Variants in PCDHGA3 observed in about 807,000 individuals in gnomAD.
The protein encoded by PCDHGA3 is protocadherin gamma-A3.
In PCDHGA3, 40 loss-of-function variants were observed where a neutral mutation model predicts 58.5. The ratio of observed to expected loss-of-function variants is 0.68; its 90% confidence interval spans 0.53 to 0.89. PCDHGA3 has a LOEUF of 0.89. PCDHGA3 is among the 40% of genes least tolerant of loss of function. PCDHGA3 has a pLI of 0.00. For synonymous variants in PCDHGA3, 530 were observed against 525.7 expected (o/e 1.01, Z -0.11); for missense variants, 1,223 against 1,195.9 (o/e 1.02, Z -0.33).
Position 141,432,057 on chromosome 5 carries a change from C to G in PCDHGA3, c.2425-62750C>G. On this transcript the variant is annotated intron_variant, in intron 1 of 3. Coordinates refer to ENST00000253812, the MANE Select transcript of PCDHGA3 (RefSeq NM_018916.4). This position sits in a 1 kb window ranked among gnomAD's most constrained non-coding sequence, Gnocchi z 6.0. The stretch of plus-strand genomic sequence containing the variant: ...ACTGACCGGGGAACCCCGCCCCTAT[C>G]CACGGAAACTCATATCTCGCTGAAC... 1 of 1,614,220 alleles carries G rather than the reference C, an allele frequency of 6.2e-7. No homozygotes were observed. The highest frequency in any genetic ancestry group is 8.5e-7 in the Non-Finnish European group (1 of 1,180,042).
At chr5:141,510,910 A>T (rs780792326) in intron 3 of PCDHGA3, 37 bp from the exon 4 acceptor site, 1 of 1,613,740 alleles carries the variant, frequency 6.2e-7, no homozygotes, top group East Asian at 2.2e-5. Flanking sequence ...GAGGACCCTA[A>T]GTTTAGCTCC....
In PCDHGA3 at chr5:141,352,265, C is replaced by T. The variant is rs760271009; in HGVS notation, c.2424+5808C>T. ...CGCGGATAGCCTGCAAGAGGTATTGCCAGACCTCAGCGACCGCCCTGAGCC... is the reference window on the plus strand; with the variant it reads ...CGCGGATAGCCTGCAAGAGGTATTGTCAGACCTCAGCGACCGCCCTGAGCC... On this transcript the variant is annotated intron_variant, in intron 1 of 3. Transcript: ENST00000253812. 3.2e-5 allele frequency: 52 copies of T among 1,613,966 alleles called. 1 individual carries two copies. Among genetic ancestry groups the T allele is most frequent in the Non-Finnish European group, 3.7e-5 (44 of 1,179,914 alleles).
chr5:141,344,577 G>A lies in PCDHGA3; in HGVS notation c.544G>A (p.Val182Met). ...CCCCAATGACTACTTCTCTCTGGCT[G>A]TGAATAGCGTCTCTGAGGGGGCCAA... The part of the protein sequence containing the change: ...LSPNDYFSLA[V>M]NSVSEGAKYP... Residue 182 changes from valine to methionine, a missense_variant, in exon 1 of 4, where the codon GTG becomes ATG. Coordinates refer to ENST00000253812, the MANE Select transcript of PCDHGA3 (RefSeq NM_018916.4). The A allele has an allele frequency of 3.1e-6, 5 of 1,614,016 alleles. No homozygotes were observed. The highest frequency in any genetic ancestry group is 4.2e-6 in the Non-Finnish European group (5 of 1,179,900).
At chr5:141,470,227 C>A (rs1387947362) in intron 1 of PCDHGA3, among the ~76,000 whole-genome samples, 1 of 152,160 alleles carries the variant, frequency 6.6e-6, no homozygotes, top group Non-Finnish European at 1.5e-5. Flanking sequence ...AGCTTCTTCA[C>A]CAAACCCTTG....
intron 1 of PCDHGA3, chr5:141,361,483 C>T (rs1762043135): frequency 6.2e-7 from 1 of 1,614,026 alleles, no homozygotes; most frequent in Non-Finnish European, 8.5e-7. Context: ...CGATAATGCC[C>T]CAGTTTTCCA....
At chr5:141,413,626 G>T (rs757785567) in intron 1 of PCDHGA3, 24 of 1,613,680 alleles carry the variant, frequency 1.5e-5, no homozygotes, top group Non-Finnish European at 1.7e-5. Context: ...TGAAAATGTC[G>T]CTGCGGGAAT....
rs753577656 is a variant in PCDHGA3, at chr5:141,361,905, G to A, written c.2424+15448G>A. 4 of 1,609,114 alleles carry A rather than the reference G, an allele frequency of 2.5e-6. No homozygotes were observed. In the South Asian group the frequency reaches 4.4e-5, roughly 18 times the overall value. ...CAGAGCCCGGCTACCTGGTGACCAA[G>A]GTGGTGGCGGTGGACGCAGACTCAG... On this transcript the variant is annotated intron_variant, in intron 1 of 3. Coordinates refer to ENST00000253812, the MANE Select transcript of PCDHGA3 (RefSeq NM_018916.4).
intron 1 of PCDHGA3, chr5:141,361,348 G>C: frequency 6.2e-7 from 1 of 1,613,980 alleles, no homozygotes; most frequent in South Asian, 1.1e-5. Context: ...TTACAAACTA[G>C]TGACAGACGG....
chr5:141,413,739 C>A (rs748041372), intron 1 of PCDHGA3: 1 of 1,613,424 alleles, frequency 6.2e-7, no homozygotes, highest in South Asian at 1.1e-5. Context: ...GAGTTCAGAG[C>A]CGTGCCAATG....
chr5:141,422,744 T>C, intron 1 of PCDHGA3: 1 of 1,610,696 alleles, frequency 6.2e-7, no homozygotes, highest in Non-Finnish European at 8.5e-7. Flanking sequence ...TCCTCCTATG[T>C]CTCTATTAAC....
At chr5:141,377,829 C>T (rs970459356) in intron 1 of PCDHGA3, 2 of 152,110 alleles carry the variant, frequency 1.3e-5, no homozygotes, top group South Asian at 2.1e-4. Context: ...CAGTTACAAT[C>T]GCCATTATCT....
At chr5:141,354,009 C>T (rs1041601052) in intron 1 of PCDHGA3, among the ~76,000 whole-genome samples, 2 of 152,168 alleles carry the variant, frequency 1.3e-5, no homozygotes, top group African/African-American at 4.8e-5. Flanking sequence ...TAGTAAATTA[C>T]TGTAAGTATT....
intron 1 of PCDHGA3, chr5:141,361,448 T>C: frequency 6.2e-7 from 1 of 1,614,014 alleles, no homozygotes; most frequent in Non-Finnish European, 8.5e-7. Context: ...AGCATAATTG[T>C]CACCCTGCAC....
intron 1 of PCDHGA3, chr5:141,428,862 T>TC (rs1345604550): frequency 2.7e-5 from 2 of 74,856 alleles, no homozygotes; most frequent in African/African-American, 2.0e-4. Flanking sequence ...ACGGGAGACT[T>TC]TTTTTTTTTT....
In PCDHGA3 at chr5:141,476,875, C is replaced by T; in HGVS notation, c.2425-17932C>T. On this transcript the variant is annotated intron_variant, in intron 1 of 3. Coordinates refer to ENST00000253812, the MANE Select transcript of PCDHGA3 (RefSeq NM_018916.4). The surrounding 1 kb of genome is among the most constrained non-coding windows in gnomAD (Gnocchi z 7.6). ...ACCAGTCCTTGTACCGGGCGCGCGT[C>T]CTGGAGGATGCACCCTCCGGCACGC... 2 of 1,613,928 alleles carry T rather than the reference C, an allele frequency of 1.2e-6. No homozygotes were observed. Among genetic ancestry groups the T allele is most frequent in the Non-Finnish European group, 1.7e-6 (2 of 1,180,044 alleles).
intron 1 of PCDHGA3, chr5:141,373,987 G>C: frequency 8.3e-7 from 1 of 1,199,482 alleles, no homozygotes; most frequent in South Asian, 2.3e-5. Flanking sequence ...GTCTCTGCTT[G>C]TTGAAGGACC....
chr5:141,386,745 G>A (rs2090694894), intron 1 of PCDHGA3, among the ~76,000 whole-genome samples: 1 of 152,124 alleles, frequency 6.6e-6, no homozygotes, highest in Non-Finnish European at 1.5e-5. Context: ...AGATCCTATG[G>A]CAGAACTACG....
rs143907071 is a variant in PCDHGA3, at chr5:141,372,926, G to A, written c.2424+26469G>A. 48 of 943,814 alleles carry A rather than the reference G, an allele frequency of 5.1e-5. No individual in the cohort carries two copies. In the African/African-American group the frequency reaches 7.5e-4, roughly 15 times the overall value. 58.5% of individuals were successfully genotyped at this position (943,814 alleles called of 1,614,324 possible). On this transcript the variant is annotated intron_variant, in intron 1 of 3. Coordinates refer to ENST00000253812, the MANE Select transcript of PCDHGA3 (RefSeq NM_018916.4). ...GATTACATTATTTTATTGATTTTCT[G>A]GTGTAGAGTAGGGTGTCTAGGAAAT...
intron 1 of PCDHGA3, chr5:141,413,223 G>C (rs1454395834): frequency 6.2e-7 from 1 of 1,613,694 alleles, no homozygotes; most frequent in African/African-American, 1.3e-5. Flanking sequence ...ATTGCAGCGG[G>C]CTGGTCCTGC....
Sources: allele counts gnomAD v4.1 joint callset (sites outside exome capture counted in the v4.1 genomes callset), GRCh38; gene constraint gnomAD v4.1.1; non-coding constraint Gnocchi (gnomAD v3.1); transcripts MANE v1.5; gene names NCBI Gene and HGNC (gene_info 2026-07-23, HGNC 2026-07-21).